The following SLC6A2 variants were observed in gnomAD, a reference collection of about 807,000 sequenced individuals.
SLC6A2 encodes the protein sodium-dependent noradrenaline transporter.
SLC6A2 carries 26 observed loss-of-function variants against 71.7 expected under a neutral mutation model. The observed-to-expected ratio is 0.36, with a 90% confidence interval of 0.27 to 0.50. The LOEUF is 0.50. Ranked by LOEUF, SLC6A2 falls within the 20% of genes least tolerant of loss-of-function variation. SLC6A2 has a pLI of 0.96. For synonymous variants in SLC6A2, 363 were observed against 337.9 expected, an observed-to-expected ratio of 1.07 and a Z score of -0.82; for missense variants, 581 against 803.9, an observed-to-expected ratio of 0.72 and a Z score of 3.35.
At position 55,703,135 on chromosome 16, in the gene SLC6A2, A is replaced by G; in HGVS notation, c.*789A>G. The G allele has an allele frequency of 2.0e-6, 2 of 985,650 alleles. No homozygotes were observed. The highest frequency in any genetic ancestry group is 2.4e-6 in the Non-Finnish European group (2 of 830,104). The allele number at this position is 985,650 out of a possible 1,614,324, so 61.1% of individuals were successfully genotyped here. A position where few individuals can be genotyped will look rare whatever the true frequency, so the allele number is the denominator to read the frequency against. ...ACAAGCTGGTGGAGGCCACGTGGCA[A>G]GCCACATCTACTGAGGCCTCATGCT... On this transcript the variant is annotated 3_prime_UTR_variant, in exon 15 of 15. Coordinates refer to ENST00000568943, the MANE Select transcript of SLC6A2 (RefSeq NM_001172501.3).
intron 6 of SLC6A2, among the ~76,000 whole-genome samples, chr16:55,693,662 G>C (rs1335617493): frequency 1.3e-5 from 2 of 152,222 alleles, no homozygotes; most frequent in Non-Finnish European, 2.9e-5. Context: ...TAACTCCTAA[G>C]ATGGCCATAA....
intron 9 of SLC6A2, 106 bp from the exon 10 acceptor site, chr16:55,697,790 GC>G: frequency 8.4e-7 from 1 of 1,192,264 alleles, no homozygotes; most frequent in East Asian, 2.5e-5. Flanking sequence ...AGGCAAGGCA[GC>G]CTACATGAGT....
chr16:55,667,249 T>C lies in SLC6A2; in HGVS notation c.275-2316T>C, dbSNP rs575257154. Among the ~76,000 whole-genome samples the C allele has an allele frequency of 6.6e-5, 10 of 152,282 alleles. No homozygotes were observed. In the East Asian group the frequency reaches 1.9e-3, roughly 29 times the overall value. On this transcript the variant is annotated intron_variant, in intron 2 of 14. Coordinates refer to ENST00000568943, the MANE Select transcript of SLC6A2 (RefSeq NM_001172501.3). ...AACTGCCCCTTGCCCTGGCTCTAGATCCTCAAGGGGAGTAGCAGTTGGCCA... is the reference window on the plus strand; with the variant it reads ...AACTGCCCCTTGCCCTGGCTCTAGACCCTCAAGGGGAGTAGCAGTTGGCCA...
intron 2 of SLC6A2, among the ~76,000 whole-genome samples, chr16:55,666,567 G>A (rs996354339): frequency 3.3e-5 from 5 of 152,116 alleles, no homozygotes; most frequent in South Asian, 2.1e-4. Context: ...CCACTCTTTG[G>A]TCTTCTTAAT....
rs1331548150 is a variant in SLC6A2, at chr16:55,685,272, A to G, written c.774A>G (p.Thr258=). The change falls in exon 5 of 15, where the codon ACA becomes ACG. Residue 258 remains threonine (T), a synonymous_variant. Transcript: ENST00000568943. ...TTAGCCTCTGGAAAGGGGTGAAGACATCAGGAAAGGTAATATCTCTGTGTT... is the reference window on the plus strand; with the variant it reads ...TTAGCCTCTGGAAAGGGGTGAAGACGTCAGGAAAGGTAATATCTCTGTGTT... ...LYFSLWKGVK[T]SGKVVWITAT... The G allele has an allele frequency of 1.2e-6, 2 of 1,614,058 alleles. No individual in the cohort carries two copies. The highest frequency in any genetic ancestry group is 4.5e-5 in the East Asian group (2 of 44,892).
chr16:55,686,504 C>T (rs1965456228), intron 5 of SLC6A2, among the ~76,000 whole-genome samples: 1 of 152,138 alleles, frequency 6.6e-6, no homozygotes, highest in African/African-American at 2.4e-5. Context: ...GGGGATTACA[C>T]ACAGGTGTGA....
chr16:55,661,604 A>G (rs1476658630), intron 2 of SLC6A2, among the ~76,000 whole-genome samples: 12 of 152,218 alleles, frequency 7.9e-5, no homozygotes, highest in Non-Finnish European at 1.5e-4. Flanking sequence ...TCATCCTAAG[A>G]TGAAATTGAT....
chr16:55,680,351 A>T (rs1253147865), intron 4 of SLC6A2, among the ~76,000 whole-genome samples: 1 of 152,172 alleles, frequency 6.6e-6, no homozygotes, highest in Non-Finnish European at 1.5e-5. Context: ...TTTATTAAGG[A>T]GTATCGACTC....
chr16:55,670,532 C>A (rs769320236), intron 3 of SLC6A2, among the ~76,000 whole-genome samples: 2 of 152,084 alleles, frequency 1.3e-5, no homozygotes, highest in Non-Finnish European at 2.9e-5. Flanking sequence ...ATCCAGATGC[C>A]CAAATAATGT....
intron 3 of SLC6A2, chr16:55,671,734 C>T: frequency 1.8e-6 from 2 of 1,134,486 alleles, no homozygotes; most frequent in Non-Finnish European, 2.4e-6. Flanking sequence ...ACGGTTTCAT[C>T]TTGAAACTAC....
At chr16:55,673,546 A>C (rs1216914068) in intron 4 of SLC6A2, among the ~76,000 whole-genome samples, 1 of 151,566 alleles carries the variant, frequency 6.6e-6, no homozygotes, top group Non-Finnish European at 1.5e-5. Context: ...TATTTCCATC[A>C]TTTCTTCTAT....
At position 55,703,831 on chromosome 16, in the gene SLC6A2, G is replaced by A. The variant is rs545260213; in HGVS notation, c.*1485G>A. 4.8e-4 allele frequency: 474 copies of A among 984,886 alleles called. No homozygotes were observed. Among genetic ancestry groups the A allele is most frequent in the Middle Eastern group, 4.2e-3 (8 of 1,912 alleles). 61.0% of individuals were successfully genotyped at this position (984,886 alleles called of 1,614,324 possible). ...AATTGGGGTGTTGTTGAGCCTGGTG[G>A]TTCCTGCATGAAGAGGATTATGAGG... On this transcript the variant is annotated 3_prime_UTR_variant, in exon 15 of 15. Transcript: ENST00000568943.
At chr16:55,700,380 G>A (rs1353259794) in intron 13 of SLC6A2, 74 bp downstream of exon 13, 1 of 1,335,368 alleles carries the variant, frequency 7.5e-7, no homozygotes, top group Non-Finnish European at 1.0e-6. Context: ...TCTCATTCCT[G>A]TTGGGGTGGG....
rs1282980841 is a variant in SLC6A2 at position 55,697,919 on chromosome 16, T to C, written c.1283T>C (p.Ile428Thr). Reference sequence around the variant, plus strand: ...CAGATGGGAGGCATGGAGGCTGTCATCACGGGCCTGGCAGATGACTTCCAG... The same window carrying C: ...CAGATGGGAGGCATGGAGGCTGTCACCACGGGCCTGGCAGATGACTTCCAG... Reference protein sequence around the residue: ...DSSMGGMEAVITGLADDFQVL... With the variant: ...DSSMGGMEAVTTGLADDFQVL... The change falls in exon 10 of 15, where the codon ATC (isoleucine) becomes ACC (threonine). Residue 428 changes from isoleucine (I) to threonine (T), a missense_variant. Physicochemically the swap from Ile to Thr is moderately conservative, Grantham distance 89. Transcript: ENST00000568943. The C allele has an allele frequency of 6.2e-7, 1 of 1,614,118 alleles. No individual in the cohort carries two copies. The highest frequency in any genetic ancestry group is 1.7e-5 in the Admixed American group (1 of 60,028).
intron 4 of SLC6A2, among the ~76,000 whole-genome samples, chr16:55,682,289 G>A (rs760331809): frequency 4.6e-5 from 7 of 152,164 alleles, no homozygotes; most frequent in Non-Finnish European, 7.3e-5. Flanking sequence ...GGAAGTTTCC[G>A]TATGGGAAAA....
chr16:55,685,120 C>T (rs377214403), intron 4 of SLC6A2, 23 bp from the exon 5 acceptor site: 3 of 1,613,556 alleles, frequency 1.9e-6, no homozygotes, highest in South Asian at 1.1e-5. Flanking sequence ...TTACCCTGGT[C>T]CCCTCCCCTC....
intron 14 of SLC6A2, among the ~76,000 whole-genome samples, 194 bp downstream of exon 14, chr16:55,702,128 G>A (rs560649050): frequency 1.3e-5 from 2 of 152,350 alleles, no homozygotes; most frequent in South Asian, 4.1e-4. Flanking sequence ...GGCTTGCCCT[G>A]TGACTTTGGG....
At chr16:55,699,460 C>T (rs1056385718) in intron 11 of SLC6A2, 94 bp from the exon 12 acceptor site, 2 of 941,178 alleles carry the variant, frequency 2.1e-6, no homozygotes, top group Non-Finnish European at 3.5e-6. Context: ...TGCCTCACTG[C>T]CCTGCTCTCC....
At chr16:55,684,485 AC>A in intron 4 of SLC6A2, among the ~76,000 whole-genome samples, 1 of 152,340 alleles carries the variant, frequency 6.6e-6, no homozygotes, top group South Asian at 2.1e-4. Flanking sequence ...TTGAGTCAAT[AC>A]CTAGGGCACA....
Sources: gnomAD v4.1 joint callset for allele counts (sites outside exome capture counted in the v4.1 genomes callset) on GRCh38, gnomAD v4.1.1 for gene constraint, MANE v1.5 for transcripts, NCBI Gene and HGNC (gene_info 2026-07-23, HGNC 2026-07-21) for gene names.